Variants in ITGA5 observed in about 807,000 individuals in gnomAD.
The protein encoded by ITGA5 is integrin alpha-5.
Under a neutral mutation model 146.3 loss-of-function variants are expected in ITGA5, and 55 were observed. The observed-to-expected ratio is 0.38, with a 90% confidence interval of 0.30 to 0.47. ITGA5 has a LOEUF of 0.47. Among genes scored for constraint, ITGA5 ranks in the 20% least tolerant of loss-of-function variants. The pLI, the probability that ITGA5 is intolerant of heterozygous loss-of-function variation, is 0.99. For missense variants in ITGA5, 1,131 were observed against 1,329.0 expected (o/e 0.85, Z 2.32); for synonymous variants, 500 against 531.8 (o/e 0.94, Z 0.82).
At chr12:54,411,739 CA>C (rs1489581869) in intron 2 of ITGA5, 94 bp downstream of exon 2, 5 of 1,153,568 alleles carry the variant, frequency 4.3e-6, no homozygotes, top group Non-Finnish European at 5.8e-6. Context: ...GCCGGGGTTC[CA>C]GCAGGCTCCA....
Position 54,403,650 on chromosome 12 carries a change from CA to C in ITGA5, c.1750del (p.Cys584AlafsTer4). ...LLIQNGARED[C>X]REMKIYLRNE... is the part of the protein sequence containing the mutation. ...CCTGAGGTAGATCTTCATCTCTCTGCAATCCTCTCGAGCCCCATTCTGGATG... is the reference window on the plus strand; with the variant it reads ...CCTGAGGTAGATCTTCATCTCTCTGCATCCTCTCGAGCCCCATTCTGGATG... On this transcript the variant is annotated frameshift_variant, in exon 17 of 30. Coordinates refer to ENST00000293379, the MANE Select transcript of ITGA5 (RefSeq NM_002205.5). LOFTEE classifies it high-confidence loss of function. The surrounding 1 kb of genome is among the most constrained non-coding windows in gnomAD (Gnocchi z 4.9). 6.2e-7 allele frequency: 1 copy of C among 1,614,086 alleles called. No homozygotes were observed. The highest frequency in any genetic ancestry group is 1.1e-5 in the South Asian group (1 of 91,086).
chr12:54,408,641 G>T (rs746254541), intron 6 of ITGA5, 115 bp downstream of exon 6: 1 of 937,892 alleles, frequency 1.1e-6, no homozygotes, highest in Non-Finnish European at 1.6e-6. Flanking sequence ...CAGGAGAATC[G>T]CTTGAACCTG....
chr12:54,419,026 G>A lies in ITGA5; in HGVS notation c.173C>T (p.Ser58Phe), dbSNP rs1956044071. The A allele has an allele frequency of 6.2e-7, 1 of 1,602,434 alleles. No homozygotes were observed. Among genetic ancestry groups the A allele is most frequent in the East Asian group, 2.2e-5 (1 of 44,530 alleles). Residue 58 changes from serine to phenylalanine, a missense_variant, in exon 1 of 30, where the codon TCC becomes TTC. Ser to Phe is a radical substitution (Grantham distance 155, BLOSUM62 -2). Around this residue, in one of 3 missense-constraint regions of ITGA5, gnomAD observed 175 missense variants for 179.3 expected, o/e 0.98. Transcript: ENST00000293379. ...APAVLSGPPGSFFGFSVEFYR... is the reference protein window; with the variant it reads ...APAVLSGPPGFFFGFSVEFYR... ...AAACTCCACTGAGAATCCGAAGAAG[G>A]AGCCCGGGGGCCCCGAGAGTACTGC...
chr12:54,401,379 G>T lies in ITGA5; in HGVS notation c.2487C>A (p.Val829=), dbSNP rs1955781696. ...CTGCCCCTTCCCCCCTTACCTCATAGACATGGTGGACAGCAGGTCCCAGGT... is the reference window on the plus strand; with the variant it reads ...CTGCCCCTTCCCCCCTTACCTCATATACATGGTGGACAGCAGGTCCCAGGT... ...EEDLGPAVHH[V]YELINQGPSS... is the part of the protein sequence containing the mutation. The change falls in exon 24 of 30, where the codon GTC becomes GTA. Residue 829 remains valine (V), a synonymous_variant. Transcript: ENST00000293379. The surrounding 1 kb of genome is among the most constrained non-coding windows in gnomAD (Gnocchi z 5.0). 1.1e-5 allele frequency: 17 copies of T among 1,609,404 alleles called. No individual in the cohort carries two copies. Among genetic ancestry groups the T allele is most frequent in the Non-Finnish European group, 1.4e-5 (17 of 1,175,968 alleles).
At chr12:54,418,143 A>C (rs977291108) in intron 1 of ITGA5, among the ~76,000 whole-genome samples, 4 of 151,470 alleles carry the variant, frequency 2.6e-5, no homozygotes, top group African/African-American at 9.7e-5. Context: ...CCAGCCGACC[A>C]GCTACAGGAA....
At chr12:54,404,570 A>C (rs1029576889) in intron 13 of ITGA5, 95 bp from the exon 14 acceptor site, 70 of 1,525,020 alleles carry the variant, frequency 4.6e-5, no homozygotes, top group Non-Finnish European at 5.5e-5. Context: ...GGGAGGTTGA[A>C]GTGAGAAGAC....
chr12:54,418,329 T>G (rs1472608952), intron 1 of ITGA5, among the ~76,000 whole-genome samples: 1 of 149,828 alleles, frequency 6.7e-6, no homozygotes, highest in East Asian at 2.0e-4. Context: ...TCGGATCCCC[T>G]CGCCTGAACA....
rs374858882 is a variant in ITGA5, at chr12:54,401,586, C to T, written c.2386G>A (p.Gly796Ser). 66 of 1,613,958 alleles carry T rather than the reference C, an allele frequency of 4.1e-5. No individual in the cohort carries two copies. The highest frequency in any genetic ancestry group is 1.0e-4 in the Admixed American group (6 of 60,000). Reference sequence around the variant, plus strand: ...GACCCCATTTTGCCTGGCACTGACCCGTTCAGGGTGACCTGGGCCTGAGCC... The same window carrying T: ...GACCCCATTTTGCCTGGCACTGACCTGTTCAGGGTGACCTGGGCCTGAGCC... ...VEAQAQVTLN[G>S]VSKPEAVLFP... is the part of the protein sequence containing the mutation. The change falls in exon 23 of 30, where the codon GGT becomes AGT. Residue 796 changes from glycine (G) to serine (S), a missense_variant and splice_region_variant. Around this residue, in one of 3 missense-constraint regions of ITGA5, gnomAD observed 889 missense variants for 1,021.5 expected, o/e 0.87. Transcript: ENST00000293379. The surrounding 1 kb of genome is among the most constrained non-coding windows in gnomAD (Gnocchi z 5.0).
intron 26 of ITGA5, 42 bp from the exon 27 acceptor site, chr12:54,399,800 A>G: frequency 6.2e-7 from 1 of 1,607,968 alleles, no homozygotes; most frequent in East Asian, 2.2e-5. Flanking sequence ...TGCCCTTGTG[A>G]TGGCCCTGAG....
In ITGA5 at chr12:54,403,831, A is replaced by C. The variant is rs752430660; in HGVS notation, c.1622-52T>G. 6 of 1,609,802 alleles carry C rather than the reference A, an allele frequency of 3.7e-6. No homozygotes were observed. The highest frequency in any genetic ancestry group is 5.1e-6 in the Non-Finnish European group (6 of 1,176,548). On this transcript the variant is annotated intron_variant, in intron 16 of 29. Transcript: ENST00000293379. This position sits in a 1 kb window ranked among gnomAD's most constrained non-coding sequence, Gnocchi z 4.9. ...ACTGCCTGTCTTTCCTCATCTTTTC[A>C]GAGAGAAGAAATGTCCCCAGGTCCC...
Position 54,401,131 on chromosome 12 carries a change from A to C in ITGA5, c.2494-136T>G. 3 of 959,384 alleles carry C rather than the reference A, an allele frequency of 3.1e-6. No homozygotes were observed. The highest frequency in any genetic ancestry group is 4.6e-6 in the Non-Finnish European group (3 of 646,466). The allele number at this position is 959,384 out of a possible 1,614,324, so 59.4% of individuals were successfully genotyped here. On this transcript the variant is annotated intron_variant, in intron 24 of 29. Transcript: ENST00000293379. This position sits in a 1 kb window ranked among gnomAD's most constrained non-coding sequence, Gnocchi z 5.0. ...GAGATGAAGCAGGGAAGCAATGGGC[A>C]GAGGTGAAATCCTCTCTAGCCAACA...
intron 2 of ITGA5, 57 bp downstream of exon 2, chr12:54,411,777 C>CA: frequency 7.1e-7 from 1 of 1,410,190 alleles, no homozygotes; most frequent in Non-Finnish European, 9.3e-7. Context: ...CCACCCAGGC[C>CA]TTGCCCCCAG....
In ITGA5 at chr12:54,416,350, G is replaced by A. The variant is rs1278061387; in HGVS notation, c.218+2631C>T. Reference sequence around the variant, plus strand: ...CTCCCAAAGTGCTGGCATTACAGGCGTGAGCCACTGCACCTGGCCAGCCTC... The same window carrying A: ...CTCCCAAAGTGCTGGCATTACAGGCATGAGCCACTGCACCTGGCCAGCCTC... On this transcript the variant is annotated intron_variant, in intron 1 of 29. Coordinates refer to ENST00000293379, the MANE Select transcript of ITGA5 (RefSeq NM_002205.5). The surrounding 1 kb of genome is among the most constrained non-coding windows in gnomAD (Gnocchi z 4.1). Among the ~76,000 whole-genome samples, 1 of 152,200 alleles carries A rather than the reference G, an allele frequency of 6.6e-6. No homozygotes were observed. Among genetic ancestry groups the A allele is most frequent in the Non-Finnish European group, 1.5e-5 (1 of 68,042 alleles).
In ITGA5 at chr12:54,404,434, A is replaced by G; in HGVS notation, c.1459T>C (p.Tyr487His). 2 of 1,614,108 alleles carry G rather than the reference A, an allele frequency of 1.2e-6. No homozygotes were observed. Among genetic ancestry groups the G allele is most frequent in the Non-Finnish European group, 8.5e-7 (1 of 1,179,928 alleles). The change falls in exon 14 of 30, where the codon TAC becomes CAC. Residue 487 changes from tyrosine to histidine, a missense_variant. Physicochemically the swap from Tyr to His is moderately conservative, Grantham distance 83. Transcript: ENST00000293379. ...GSFGVDKAVVYRGRPIVSASA... is the reference protein window; with the variant it reads ...GSFGVDKAVVHRGRPIVSASA... ...ATCTCCCTTTGGAGCTCATACCTGTATACCACAGCCTTGTCCACACCAAAG... is the reference window on the plus strand; with the variant it reads ...ATCTCCCTTTGGAGCTCATACCTGTGTACCACAGCCTTGTCCACACCAAAG...
chr12:54,416,550 G>C lies in ITGA5; in HGVS notation c.218+2431C>G, dbSNP rs1223459651. 1.4e-5 allele frequency among the ~76,000 whole-genome samples: 2 copies of C among 144,016 alleles called. No homozygotes were observed. Among genetic ancestry groups the C allele is most frequent in the Non-Finnish European group, 3.0e-5 (2 of 67,334 alleles). The allele number at this position is 144,016 out of a possible 152,430, so 94.5% of individuals were successfully genotyped here. A position where few individuals can be genotyped will look rare whatever the true frequency, so the allele number is the denominator to read the frequency against. ...AGCAAGTAAGAAATGAGGGAACTAG[G>C]CGGTAGCCAGGAAGGAGAGAACCAG... On this transcript the variant is annotated intron_variant, in intron 1 of 29. Transcript: ENST00000293379. The surrounding 1 kb of genome is among the most constrained non-coding windows in gnomAD (Gnocchi z 4.1).
chr12:54,405,057 G>C, intron 12 of ITGA5, 109 bp downstream of exon 12: 1 of 1,230,874 alleles, frequency 8.1e-7, no homozygotes, highest in Non-Finnish European at 1.1e-6. Context: ...TTAACCCCTC[G>C]GGAAGTCGTG....
Position 54,409,415 on chromosome 12 carries a change from C to G in ITGA5, c.463-63G>C, listed in dbSNP as rs562994406. 1 of 1,609,226 alleles carries G rather than the reference C, an allele frequency of 6.2e-7. No homozygotes were observed. The highest frequency in any genetic ancestry group is 2.2e-5 in the East Asian group (1 of 44,850). On this transcript the variant is annotated intron_variant, in intron 3 of 29. Transcript: ENST00000293379. The surrounding 1 kb of genome is among the most constrained non-coding windows in gnomAD (Gnocchi z 4.7). ...CCAATAAGGCCCTTCCTCCCTCCCT[C>G]CAGGCCCGGCCTTACCCAACCACTG...
At chr12:54,412,517 C>G in intron 1 of ITGA5, 1 of 152,736 alleles carries the variant, frequency 6.5e-6, no homozygotes, top group Non-Finnish European at 1.5e-5. Context: ...GAGAGAGGAG[C>G]TGGAGGACAG....
rs1297669364 is a variant in ITGA5 at position 54,407,632 on chromosome 12, G to A, written c.906+17C>T. The A allele has an allele frequency of 2.5e-6, 4 of 1,606,858 alleles. No homozygotes were observed. Among genetic ancestry groups the A allele is most frequent in the African/African-American group, 1.3e-5 (1 of 74,784 alleles). The stretch of plus-strand genomic sequence containing the variant: ...GGCAGGGGAGGAGAGGAAGTGAGGG[G>A]TCAGGCTGGGTCTTACATAGCCGTA... On this transcript the variant is annotated intron_variant, in intron 9 of 29. Transcript: ENST00000293379.
Sources: gnomAD v4.1 joint callset for allele counts (sites outside exome capture counted in the v4.1 genomes callset) on GRCh38, gnomAD v4.1.1 for gene constraint, gnomAD v4.1.1 regional missense constraint, Gnocchi (gnomAD v3.1) non-coding constraint, MANE v1.5 for transcripts, NCBI Gene and HGNC (gene_info 2026-07-23, HGNC 2026-07-21) for gene names.